The following PLXNC1 variants were observed in gnomAD, a reference collection of about 807,000 sequenced individuals.
The protein encoded by PLXNC1 is plexin C1.
Under a neutral mutation model 178.2 loss-of-function variants are expected in PLXNC1, and 75 were observed. The observed-to-expected ratio is 0.42, with a 90% CI of 0.35 to 0.51. The LOEUF (loss-of-function observed/expected upper bound fraction) is 0.51, where lower values mean the gene tolerates loss of function less well. Among genes scored for constraint, PLXNC1 ranks in the 20% least tolerant of loss-of-function variants. The pLI is 0.02. For missense variants in PLXNC1, 1,503 were observed against 1,984.4 expected (o/e 0.76, Z 4.61); for synonymous variants, 790 against 779.9 (o/e 1.01, Z -0.22).
At chr12:94,159,744 T>C (rs2135927388) in intron 1 of PLXNC1, among the ~76,000 whole-genome samples, 1 of 152,310 alleles carries the variant, frequency 6.6e-6, no homozygotes, top group Admixed American at 6.5e-5. Context: ...ACGGCTGCCC[T>C]GTGGGGAATG....
chr12:94,279,371 CA>C, intron 21 of PLXNC1, 100 bp from the exon 22 acceptor site: 1 of 874,046 alleles, frequency 1.1e-6, no homozygotes, highest in South Asian at 1.7e-5. Flanking sequence ...AATGTGCTGT[CA>C]GAGGTATTAG....
intron 6 of PLXNC1, among the ~76,000 whole-genome samples, chr12:94,222,462 A>G (rs1040543552): frequency 2.0e-5 from 3 of 152,056 alleles, no homozygotes; most frequent in Non-Finnish European, 4.4e-5. Context: ...CCTCTTCCAC[A>G]TGCCCTTGCC....
At chr12:94,237,451 T>A (rs1565823967) in intron 9 of PLXNC1, among the ~76,000 whole-genome samples, 1 of 152,220 alleles carries the variant, frequency 6.6e-6, no homozygotes, top group East Asian at 1.9e-4. Flanking sequence ...CAAAGACTAA[T>A]TGGTTTGACC....
At position 94,271,068 on chromosome 12, in the gene PLXNC1, T is replaced by A. The variant is rs563896728; in HGVS notation, c.3597+5843T>A. 8.5e-5 allele frequency among the ~76,000 whole-genome samples: 13 copies of A among 152,326 alleles called. No homozygotes were observed. The East Asian group carries it at 2.5e-3, about 29-fold the overall frequency. ...CTTCTACGGAACTTCTGAAACTGAA[T>A]TTTCTTTCTTGTTTCTTCTCTCTTT... On this transcript the variant is annotated intron_variant, in intron 21 of 30. Coordinates refer to ENST00000258526, the MANE Select transcript of PLXNC1 (RefSeq NM_005761.3).
intron 21 of PLXNC1, among the ~76,000 whole-genome samples, chr12:94,266,075 T>G (rs1223943763): frequency 6.6e-6 from 1 of 152,212 alleles, no homozygotes; most frequent in Admixed American, 6.5e-5. Context: ...GAGGAAAAGA[T>G]TACAGTGGGG....
chr12:94,279,192 C>G (rs1966234898), intron 21 of PLXNC1, among the ~76,000 whole-genome samples: 1 of 152,080 alleles, frequency 6.6e-6, no homozygotes, highest in African/African-American at 2.4e-5. Context: ...CACCAAATTA[C>G]CATTTTTAGA....
intron 14 of PLXNC1, among the ~76,000 whole-genome samples, chr12:94,250,928 G>C (rs59147662): frequency 6.6e-6 from 1 of 152,016 alleles, no homozygotes; most frequent in African/African-American, 2.4e-5. Flanking sequence ...TGAGGTGGGA[G>C]GATCACTTGA....
At chr12:94,228,382 G>C (rs1964004376) in intron 9 of PLXNC1, among the ~76,000 whole-genome samples, 1 of 139,136 alleles carries the variant, frequency 7.2e-6, no homozygotes, top group South Asian at 2.3e-4. Flanking sequence ...CTTTGTTGTT[G>C]TTCCAGGGTT....
intron 1 of PLXNC1, among the ~76,000 whole-genome samples, chr12:94,151,765 T>G (rs1379921888): frequency 6.6e-6 from 1 of 152,354 alleles, no homozygotes; most frequent in East Asian, 1.9e-4. Context: ...AACATTTCTC[T>G]TGACTGCGTC....
At chr12:94,182,594 G>C (rs1279068869) in intron 3 of PLXNC1, among the ~76,000 whole-genome samples, 2 of 151,472 alleles carry the variant, frequency 1.3e-5, no homozygotes, top group Non-Finnish European at 2.9e-5. Context: ...GCGTGGTGGT[G>C]CATGCCTGTA....
At position 94,177,613 on chromosome 12, in the gene PLXNC1, G is replaced by A. The variant is rs188166544; in HGVS notation, c.1204-3833G>A. On this transcript the variant is annotated intron_variant, in intron 2 of 30. Transcript: ENST00000258526. ...GGAGAAAGGAAGGGAGAGGAGAGGA[G>A]AGGAGAAAGGAAAGGAAAAGCTTCC... Among the ~76,000 whole-genome samples, 3 of 151,930 alleles carry A rather than the reference G, an allele frequency of 2.0e-5. No individual in the cohort carries two copies. The East Asian group carries it at 5.8e-4, about 29-fold the overall frequency.
chr12:94,300,018 CT>C (rs1205915943), intron 27 of PLXNC1, among the ~76,000 whole-genome samples: 1 of 152,138 alleles, frequency 6.6e-6, no homozygotes, highest in Non-Finnish European at 1.5e-5. Flanking sequence ...AGGTAATGAG[CT>C]AGGCCAGAGT....
intron 27 of PLXNC1, 64 bp from the exon 28 acceptor site, chr12:94,300,846 A>G: frequency 6.6e-7 from 1 of 1,503,978 alleles, no homozygotes. Context: ...ACAAACTGTG[A>G]TAAACAGACC....
At chr12:94,195,039 G>T (rs1962865032) in intron 4 of PLXNC1, among the ~76,000 whole-genome samples, 1 of 152,084 alleles carries the variant, frequency 6.6e-6, no homozygotes, top group South Asian at 2.1e-4. Context: ...TGAGAGGTCT[G>T]TGGAGAGACT....
At chr12:94,255,443 G>A in intron 17 of PLXNC1, 147 bp downstream of exon 17, 1 of 641,146 alleles carries the variant, frequency 1.6e-6, no homozygotes, top group South Asian at 1.8e-5. Flanking sequence ...GCAGAGCAGG[G>A]AGGAGGGTAA....
chr12:94,296,464 C>A (rs1006438104), intron 24 of PLXNC1, among the ~76,000 whole-genome samples: 8 of 152,188 alleles, frequency 5.3e-5, no homozygotes, highest in Admixed American at 2.6e-4. Flanking sequence ...CCTCTCTCAA[C>A]TTTAAAACAA....
chr12:94,181,729 G>A (rs1482361744), intron 3 of PLXNC1, 149 bp downstream of exon 3: 18 of 612,476 alleles, frequency 2.9e-5, no homozygotes, highest in South Asian at 1.4e-4. Context: ...TCACAGGCAC[G>A]GAATTAAAAA....
rs1968165003 is a variant in PLXNC1, at chr12:94,298,614, A to C, written c.4075-18A>C. 3 of 1,568,880 alleles carry C rather than the reference A, an allele frequency of 1.9e-6. No individual in the cohort carries two copies. The highest frequency in any genetic ancestry group is 1.7e-6 in the Non-Finnish European group (2 of 1,162,870). The stretch of plus-strand genomic sequence containing the variant: ...CACAGTTTTTAATCTCCCAAATCTG[A>C]TGTTGTCTATCTTTCAGGTGGCAAT... On this transcript the variant is annotated intron_variant, in intron 26 of 30. Transcript: ENST00000258526.
rs770261661 is a variant in PLXNC1 at position 94,254,787 on chromosome 12, C to T, written c.2882C>T (p.Ala961Val). 5 of 1,585,248 alleles carry T rather than the reference C, an allele frequency of 3.2e-6. No homozygotes were observed. Among genetic ancestry groups the T allele is most frequent in the Non-Finnish European group, 4.3e-6 (5 of 1,170,824 alleles). Residue 961 changes from alanine (A) to valine (V), a missense_variant and splice_region_variant, in exon 16 of 31, where the codon GCG becomes GTG. Ala to Val is a moderately conservative substitution (Grantham distance 64). Coordinates refer to ENST00000258526, the MANE Select transcript of PLXNC1 (RefSeq NM_005761.3). The part of the protein sequence containing the change: ...LPVLLVIVIF[A>V]AVGVTRHKSK... ...CTGATGCAGCATCTCTGTCTCTTAG[C>T]GGCCGTGGGGGTGACCAGGCACAAA...
Sources: allele counts gnomAD v4.1 joint callset (sites outside exome capture counted in the v4.1 genomes callset), GRCh38; gene constraint gnomAD v4.1.1; transcripts MANE v1.5; gene names NCBI Gene and HGNC (gene_info 2026-07-23, HGNC 2026-07-21).